Variants in DCBLD1 observed in about 807,000 individuals in gnomAD.
The protein encoded by DCBLD1 is discoidin, CUB and LCCL domain containing 1.
DCBLD1 carries 57 observed loss-of-function variants against 71.5 expected under a neutral mutation model. The observed-to-expected ratio is 0.80, with a 90% CI of 0.64 to 0.99. DCBLD1 has a LOEUF of 0.99. Ranked by LOEUF, DCBLD1 falls within the 50% of genes least tolerant of loss-of-function variation. The probability of loss-of-function intolerance (pLI) is 0.00; values close to 1 mark genes in which losing one functional copy is unlikely to be tolerated. For synonymous variants in DCBLD1, 380 were observed against 363.8 expected (o/e 1.04, Z -0.51); for missense variants, 891 against 923.5 (o/e 0.96, Z 0.46).
chr6:117,503,305 A>G (rs1404297290), intron 1 of DCBLD1, among the ~76,000 whole-genome samples: 1 of 152,244 alleles, frequency 6.6e-6, no homozygotes, highest in African/African-American at 2.4e-5. Context: ...ACAAAGTTAC[A>G]TCAGCTTAAG....
At chr6:117,525,722 T>C (rs1778528507) in intron 5 of DCBLD1, among the ~76,000 whole-genome samples, 1 of 152,222 alleles carries the variant, frequency 6.6e-6, no homozygotes, top group Non-Finnish European at 1.5e-5. Context: ...TGCATCCTTT[T>C]TGTTATGGTT....
At chr6:117,507,879 C>G (rs1777891319) in intron 2 of DCBLD1, 1 of 152,186 alleles carries the variant, frequency 6.6e-6, no homozygotes, top group Non-Finnish European at 1.5e-5. Context: ...ATAACAGTTT[C>G]TAACATTAGA....
chr6:117,556,893 CT>C (rs1366293589), intron 14 of DCBLD1, among the ~76,000 whole-genome samples: 2 of 152,228 alleles, frequency 1.3e-5, no homozygotes, highest in East Asian at 3.9e-4. Context: ...TGTTTCTTGA[CT>C]TTTTAATAAT....
intron 10 of DCBLD1, 40 bp from the exon 11 acceptor site, chr6:117,540,875 CATT>C: frequency 6.2e-7 from 1 of 1,614,056 alleles, no homozygotes; most frequent in Non-Finnish European, 8.5e-7. Context: ...TTTCGCCTAT[CATT>C]GTTACTCATG....
intron 14 of DCBLD1, chr6:117,560,257 C>G (rs1369726436): frequency 1.2e-5 from 2 of 171,674 alleles, no homozygotes; most frequent in East Asian, 2.1e-4. Context: ...AAATAAATAA[C>G]AAGCCAAAAT....
chr6:117,557,348 T>C (rs1247001940), intron 14 of DCBLD1, among the ~76,000 whole-genome samples: 1 of 152,204 alleles, frequency 6.6e-6, no homozygotes. Flanking sequence ...TTTCAAATTT[T>C]TTATGTCCTT....
At chr6:117,486,156 C>A (rs1008739601) in intron 1 of DCBLD1, among the ~76,000 whole-genome samples, 1 of 152,150 alleles carries the variant, frequency 6.6e-6, no homozygotes, top group African/African-American at 2.4e-5. Context: ...TAAAAAACCA[C>A]AGCTTGGAAA....
chr6:117,500,299 T>C (rs1777610779), intron 1 of DCBLD1, among the ~76,000 whole-genome samples: 1 of 152,242 alleles, frequency 6.6e-6, no homozygotes, highest in Non-Finnish European at 1.5e-5. Context: ...CTAGAACTTC[T>C]GATGACAGTT....
chr6:117,532,223 C>T (rs779988320), intron 5 of DCBLD1, 37 bp from the exon 6 acceptor site: 3 of 1,554,786 alleles, frequency 1.9e-6, no homozygotes, highest in African/African-American at 2.8e-5. Flanking sequence ...TAACTGTGTT[C>T]TTTTAAGTTC....
rs1315721115 is a variant in DCBLD1, at chr6:117,548,945, T to C, written c.*506T>C. 3 of 988,104 alleles carry C rather than the reference T, an allele frequency of 3.0e-6. No homozygotes were observed. The allele number at this position is 988,104 out of a possible 1,614,324, so 61.2% of individuals were successfully genotyped here. A position where few individuals can be genotyped will look rare whatever the true frequency, so the allele number is the denominator to read the frequency against. On this transcript the variant is annotated 3_prime_UTR_variant, in exon 15 of 15. Transcript: ENST00000338728. ...CCTAGTCTTGTTGTTATTGAGTCAT[T>C]TCCTCTCCTTTGATAACTAGAACTG...
rs750392207 is a variant in DCBLD1, at chr6:117,532,321, A to G, written c.647A>G (p.Gln216Arg). The G allele has an allele frequency of 6.2e-6, 10 of 1,613,984 alleles. No homozygotes were observed. In the South Asian group the frequency reaches 1.1e-4, roughly 18 times the overall value. The change falls in exon 6 of 15, where the codon CAG (glutamine) becomes CGG (arginine). Residue 216 changes from glutamine (Q) to arginine (R), a missense_variant. By Grantham distance (43) the Gln-to-Arg change is conservative. Coordinates refer to ENST00000338728, the MANE Select transcript of DCBLD1 (RefSeq NM_001366458.2). ...ATAATTGCTGATGAACTAGGTGGCC[A>G]GATCAGTGTGCTTCAGCGCAAAGGG... Reference protein sequence around the residue: ...AGIIADELGGQISVLQRKGIS... With the variant: ...AGIIADELGGRISVLQRKGIS...
intron 2 of DCBLD1, among the ~76,000 whole-genome samples, chr6:117,507,183 C>T (rs1777871892): frequency 6.6e-6 from 1 of 152,190 alleles, no homozygotes; most frequent in Non-Finnish European, 1.5e-5. Flanking sequence ...CATCATTATG[C>T]AGTTAATTTT....
chr6:117,548,827 G>A lies in DCBLD1; in HGVS notation c.*388G>A, dbSNP rs1779367256. 1 of 1,058,756 alleles carries A rather than the reference G, an allele frequency of 9.4e-7. No homozygotes were observed. The highest frequency in any genetic ancestry group is 1.1e-6 in the Non-Finnish European group (1 of 876,584). The allele number at this position is 1,058,756 out of a possible 1,614,324, so 65.6% of individuals were successfully genotyped here. A position where few individuals can be genotyped will look rare whatever the true frequency, so the allele number is the denominator to read the frequency against. On this transcript the variant is annotated 3_prime_UTR_variant, in exon 15 of 15. Transcript: ENST00000338728. ...TTTAGTTCTGCACAGAGGTTAAGTG[G>A]GAAAATGCAGCTGTTGCAAAATGTA... is the stretch of plus-strand genomic sequence containing the variant.
At chr6:117,554,080 C>A (rs901398851), downstream of DCBLD1, among the ~76,000 whole-genome samples, 1 of 152,182 alleles carries the variant, frequency 6.6e-6, no homozygotes, top group African/African-American at 2.4e-5. Flanking sequence ...TATATGCAGC[C>A]TTCCTGTTCG....
chr6:117,484,871 T>G (rs947388846), intron 1 of DCBLD1: 1 of 152,216 alleles, frequency 6.6e-6, no homozygotes, highest in African/African-American at 2.4e-5. Context: ...GGGTCCTTTG[T>G]AGGGCAACTG....
chr6:117,558,436 C>T (rs915470957), intron 14 of DCBLD1, among the ~76,000 whole-genome samples: 7 of 152,162 alleles, frequency 4.6e-5, no homozygotes, highest in Admixed American at 2.6e-4. Context: ...TGGATTTTTT[C>T]CAATTTAATA....
At chr6:117,522,897 C>A (rs1186088435) in intron 4 of DCBLD1, among the ~76,000 whole-genome samples, 1 of 152,094 alleles carries the variant, frequency 6.6e-6, no homozygotes, top group African/African-American at 2.4e-5. Flanking sequence ...GTAAGTGTAG[C>A]CTGGGAGTCA....
chr6:117,541,108 T>C, intron 11 of DCBLD1, 83 bp downstream of exon 11: 1 of 1,290,318 alleles, frequency 7.8e-7, no homozygotes, highest in Non-Finnish European at 1.1e-6. Flanking sequence ...AAATTTCTTT[T>C]TCTCTGTCAT....
chr6:117,488,906 A>G (rs1365524799), intron 1 of DCBLD1, among the ~76,000 whole-genome samples: 1 of 152,184 alleles, frequency 6.6e-6, no homozygotes, highest in Non-Finnish European at 1.5e-5. Context: ...ATTGTCGTGT[A>G]TGACTTTACT....
Sources: allele counts gnomAD v4.1 joint callset (sites outside exome capture counted in the v4.1 genomes callset), GRCh38; gene constraint gnomAD v4.1.1; transcripts MANE v1.5; gene names NCBI Gene and HGNC (gene_info 2026-07-23, HGNC 2026-07-21).